Variants in TTC14 observed in about 807,000 individuals in gnomAD.
TTC14 encodes tetratricopeptide repeat domain 14.
TTC14 carries 63 observed loss-of-function variants against 79.9 expected under a neutral mutation model. The observed-to-expected ratio is 0.79, with a 90% CI of 0.64 to 0.97. TTC14 has a LOEUF of 0.97. TTC14 is among the 50% of genes least tolerant of loss of function. TTC14 has a pLI of 0.00. For missense variants in TTC14, 895 were observed against 894.0 expected (o/e 1.00, Z -0.01); for synonymous variants, 335 against 309.6 (o/e 1.08, Z -0.86).
chr3:180,606,424 C>G, intron 8 of TTC14, 52 bp downstream of exon 8: 6 of 1,612,926 alleles, frequency 3.7e-6, no homozygotes, highest in Non-Finnish European at 5.1e-6. Flanking sequence ...TAAATGCGAA[C>G]AAGATTTATG....
At chr3:180,604,722 C>A in intron 5 of TTC14, 115 bp downstream of exon 5, 3 of 1,418,508 alleles carry the variant, frequency 2.1e-6, no homozygotes, top group Non-Finnish European at 2.9e-6. Context: ...GAAACCATAT[C>A]ATAATATTGC....
chr3:180,606,684 T>C (rs1716713571), intron 9 of TTC14, 81 bp downstream of exon 9: 5 of 1,453,912 alleles, frequency 3.4e-6, no homozygotes, highest in Non-Finnish European at 3.7e-6. Context: ...GGAAATAGTT[T>C]CTTAAGCACT....
rs1716952149 is a variant in TTC14, at chr3:180,610,616, T to C, written c.*74T>C. Reference sequence around the variant, plus strand: ...TTTTGGTTGTATTAGTCATAACAGTTGAGTGCAGAAATCTCTGCTTCTAAA... The same window carrying C: ...TTTTGGTTGTATTAGTCATAACAGTCGAGTGCAGAAATCTCTGCTTCTAAA... On this transcript the variant is annotated 3_prime_UTR_variant, in exon 12 of 12. Coordinates refer to ENST00000296015, the MANE Select transcript of TTC14 (RefSeq NM_133462.4). 1.3e-6 allele frequency: 2 copies of C among 1,499,166 alleles called. No homozygotes were observed. Among genetic ancestry groups the C allele is most frequent in the Admixed American group, 2.5e-5 (1 of 40,478 alleles). 92.9% of individuals were successfully genotyped at this position (1,499,166 alleles called of 1,614,324 possible). A position where few individuals can be genotyped will look rare whatever the true frequency, so the allele number is the denominator to read the frequency against.
chr3:180,617,464 T>C (rs963647117), exon 13 of TTC14: 7 of 688,622 alleles, frequency 1.0e-5, no homozygotes, highest in Non-Finnish European at 1.9e-5. Context: ...GGCATTGTTA[T>C]CATAGATGAC....
chr3:180,604,841 A>G lies in TTC14; in HGVS notation c.702-11A>G. 10 of 1,587,976 alleles carry G rather than the reference A, an allele frequency of 6.3e-6. No homozygotes were observed. Among genetic ancestry groups the G allele is most frequent in the Non-Finnish European group, 8.5e-6 (10 of 1,170,240 alleles). On this transcript the variant is annotated splice_polypyrimidine_tract_variant and intron_variant, in intron 5 of 11. Coordinates refer to ENST00000296015, the MANE Select transcript of TTC14 (RefSeq NM_133462.4). ...GTCATTTTACAATTTTTGTGTTTGT[A>G]TTTTTTTAAGGAGAAGTGTTGAGCT...
intron 12 of TTC14, chr3:180,616,232 GTGTACAGC>G: frequency 6.7e-7 from 1 of 1,498,910 alleles, no homozygotes; most frequent in Non-Finnish European, 9.3e-7. Flanking sequence ...GAATCACTTA[GTGTACAGC>G]TGTGAGAGTT....
chr3:180,603,211 G>A lies in TTC14; in HGVS notation c.374G>A (p.Arg125His). The A allele has an allele frequency of 6.2e-7, 1 of 1,614,066 alleles. No homozygotes were observed. The highest frequency in any genetic ancestry group is 1.7e-4 in the Middle Eastern group (1 of 6,060). The change falls in exon 3 of 12, where the codon CGT becomes CAT. Residue 125 changes from arginine to histidine, a missense_variant. Arg to His is a conservative substitution (Grantham distance 29, BLOSUM62 0). Coordinates refer to ENST00000296015, the MANE Select transcript of TTC14 (RefSeq NM_133462.4). Reference sequence around the variant, plus strand: ...GAGCTGTTTTTCCGAGATATTGAGCGTGGTGATATAGTGATTGGAAGAATT... The same window carrying A: ...GAGCTGTTTTTCCGAGATATTGAGCATGGTGATATAGTGATTGGAAGAATT... ...RRELFFRDIERGDIVIGRISS... is the reference protein window; with the variant it reads ...RRELFFRDIEHGDIVIGRISS...
intron 12 of TTC14, chr3:180,616,196 C>T: frequency 2.6e-6 from 3 of 1,136,318 alleles, no homozygotes; most frequent in Admixed American, 3.7e-5. Flanking sequence ...GCCTGCCTAA[C>T]AGCTGCGGTG....
At chr3:180,608,290 T>A (rs1716803727) in intron 10 of TTC14, 1 of 987,112 alleles carries the variant, frequency 1.0e-6, no homozygotes, top group African/African-American at 1.7e-5. Flanking sequence ...TTGAACATGG[T>A]GATTCCTCCT....
downstream of TTC14, chr3:180,614,012 T>C: frequency 2.9e-6 from 1 of 339,048 alleles, no homozygotes; most frequent in South Asian, 2.4e-5. Flanking sequence ...CATTCGTGAA[T>C]TCTAATACAT....
At chr3:180,605,910 T>A in intron 7 of TTC14, 73 bp downstream of exon 7, 1 of 1,444,726 alleles carries the variant, frequency 6.9e-7, no homozygotes, top group Non-Finnish European at 9.4e-7. Flanking sequence ...CATGCTTATA[T>A]CATCAATAAG....
In TTC14 at chr3:180,603,106, T is replaced by C; in HGVS notation, c.287-18T>C. On this transcript the variant is annotated intron_variant, in intron 2 of 11. Coordinates refer to ENST00000296015, the MANE Select transcript of TTC14 (RefSeq NM_133462.4). ...CTCAAAACTATCGTTAGTGATTTTG[T>C]TAATTTTTTTTTTTTAGATCATTAT... 6.2e-7 allele frequency: 1 copy of C among 1,610,686 alleles called. No individual in the cohort carries two copies. Among genetic ancestry groups the C allele is most frequent in the East Asian group, 2.2e-5 (1 of 44,862 alleles).
At position 180,604,477 on chromosome 3, in the gene TTC14, G is replaced by A. The variant is rs761785266; in HGVS notation, c.572-1G>A. The A allele has an allele frequency of 1.9e-6, 3 of 1,568,260 alleles. No individual in the cohort carries two copies. The South Asian group carries it at 3.6e-5, about 19-fold the overall frequency. On this transcript the variant is annotated splice_acceptor_variant, in intron 4 of 11. Transcript: ENST00000296015. LOFTEE classifies it high-confidence loss of function. Reference sequence around the variant, plus strand: ...TTAGTTCTCTTTTTTTTTTTCTTAAGCTGGAATCAAGGATATTGACAGATA... The same window carrying A: ...TTAGTTCTCTTTTTTTTTTTCTTAAACTGGAATCAAGGATATTGACAGATA...
In TTC14 at chr3:180,602,269, G is replaced by C; in HGVS notation, c.8G>C (p.Arg3Pro). The change falls in exon 1 of 12, where the codon CGG becomes CCG. Residue 3 changes from arginine (R) to proline (P), a missense_variant. Transcript: ENST00000296015. MDRDLLRQSLNCH... is the reference protein window; with the variant it reads MDPDLLRQSLNCH... ...GCCCTGCATTCTCTAGCCATGGACC[G>C]GGACCTTTTGCGGCAGTCGCTAAAT... 2 of 1,613,882 alleles carry C rather than the reference G, an allele frequency of 1.2e-6. No individual in the cohort carries two copies. Among genetic ancestry groups the C allele is most frequent in the Non-Finnish European group, 1.7e-6 (2 of 1,179,978 alleles).
Position 180,606,289 on chromosome 3 carries a change from C to A in TTC14, c.966C>A (p.Arg322=). The change falls in exon 8 of 12, where the codon CGC becomes CGA. Residue 322 remains arginine, a synonymous_variant. Coordinates refer to ENST00000296015, the MANE Select transcript of TTC14 (RefSeq NM_133462.4). ...GAGTTGACTATTTTAAAGTTGGACG[C>A]CATGTGGATGCTATGAATGAATACA... is the stretch of plus-strand genomic sequence containing the variant. The part of the protein sequence containing the change: ...KIGVDYFKVG[R]HVDAMNEYNK... 6.2e-7 allele frequency: 1 copy of A among 1,613,940 alleles called. No individual in the cohort carries two copies. Among genetic ancestry groups the A allele is most frequent in the Non-Finnish European group, 8.5e-7 (1 of 1,179,966 alleles).
In TTC14 at chr3:180,606,572, C is replaced by T; in HGVS notation, c.1141C>T (p.Leu381Phe). 6.2e-7 allele frequency: 1 copy of T among 1,613,932 alleles called. No homozygotes were observed. The highest frequency in any genetic ancestry group is 8.5e-7 in the Non-Finnish European group (1 of 1,179,886). ...CPTHRNARKY[L>F]CQTLVERGGQ... ...AACTCACAGAAATGCAAGAAAATAC[C>T]TCTGCCAGACACTTGTAGAGAGAGG... Residue 381 changes from leucine (L) to phenylalanine (F), a missense_variant, in exon 9 of 12, where the codon CTC becomes TTC. Physicochemically the swap from Leu to Phe is conservative, Grantham distance 22 (BLOSUM62 0). Transcript: ENST00000296015.
chr3:180,615,026 C>T, downstream of TTC14: 4 of 1,557,388 alleles, frequency 2.6e-6, no homozygotes, highest in South Asian at 3.6e-5. Flanking sequence ...ATTTAAGCTC[C>T]AGTACTTTAA....
rs2108392846 is a variant in TTC14 at position 180,605,539 on chromosome 3, C to T, written c.858-227C>T. The T allele has an allele frequency of 8.0e-6, 3 of 374,766 alleles. No individual in the cohort carries two copies. In the South Asian group the frequency reaches 9.1e-5, roughly 11 times the overall value. 23.2% of individuals were successfully genotyped at this position (374,766 alleles called of 1,614,324 possible). On this transcript the variant is annotated intron_variant, in intron 6 of 11. Coordinates refer to ENST00000296015, the MANE Select transcript of TTC14 (RefSeq NM_133462.4). Reference sequence around the variant, plus strand: ...CTCGTGATCCACCCGCCTCGACCTCCCAAAGTGTTGGGATTACAGGCGTGA... The same window carrying T: ...CTCGTGATCCACCCGCCTCGACCTCTCAAAGTGTTGGGATTACAGGCGTGA...
In TTC14 at chr3:180,607,628, A is replaced by G; in HGVS notation, c.1173-20A>G. On this transcript the variant is annotated intron_variant, in intron 9 of 11. Transcript: ENST00000296015. ...TTTTGTTGTTTTTACAAAAAAGCTAAATCTTTCTTTCAAATTTAGGTTAGA... is the reference window on the plus strand; with the variant it reads ...TTTTGTTGTTTTTACAAAAAAGCTAGATCTTTCTTTCAAATTTAGGTTAGA... The G allele has an allele frequency of 6.3e-7, 1 of 1,594,220 alleles. No individual in the cohort carries two copies. The highest frequency in any genetic ancestry group is 8.5e-7 in the Non-Finnish European group (1 of 1,172,822).
Sources: gnomAD v4.1 joint callset for allele counts on GRCh38, gnomAD v4.1.1 for gene constraint, MANE v1.5 for transcripts, NCBI Gene and HGNC (gene_info 2026-07-23, HGNC 2026-07-21) for gene names.